The following PET100 variants were observed in gnomAD, a reference collection of about 807,000 sequenced individuals.
PET100 encodes the protein protein PET100 homolog, mitochondrial.
PET100 carries 13 observed loss-of-function variants against 13.6 expected under a neutral mutation model. The ratio of observed to expected loss-of-function variants is 0.96; its 90% CI spans 0.62 to 1.52. The LOEUF (loss-of-function observed/expected upper bound fraction) is 1.52. Among genes scored for constraint, PET100 ranks in the 40% most tolerant of loss-of-function variants. The pLI is 0.00. For synonymous variants in PET100, 28 were observed against 30.8 expected (o/e 0.91, Z 0.30); for missense variants, 94 against 95.3 (o/e 0.99, Z 0.06).
rs955657747 is a variant in PET100 at position 7,631,569 on chromosome 19, G to C, written c.*13G>C. 1.0e-5 allele frequency: 16 copies of C among 1,533,574 alleles called. No individual in the cohort carries two copies. The highest frequency in any genetic ancestry group is 1.4e-5 in the Non-Finnish European group (16 of 1,145,192). 95.0% of individuals were successfully genotyped at this position (1,533,574 alleles called of 1,614,324 possible). A position where few individuals can be genotyped will look rare whatever the true frequency, so the allele number is the denominator to read the frequency against. ...GCAGAACTCCTGAGGCCTCCAAGTGGGAGTCCTAGCCCCTCCCCTGATGAA... is the reference window on the plus strand; with the variant it reads ...GCAGAACTCCTGAGGCCTCCAAGTGCGAGTCCTAGCCCCTCCCCTGATGAA... On this transcript the variant is annotated 3_prime_UTR_variant, in exon 4 of 4. Transcript: ENST00000594797.
At position 7,630,030 on chromosome 19, in the gene PET100, T is replaced by A; in HGVS notation, c.27+170T>A. On this transcript the variant is annotated intron_variant, in intron 1 of 3. Coordinates refer to ENST00000594797, the MANE Select transcript of PET100 (RefSeq NM_001171155.2). ...AAATCCAGGAGAGGGGACGCTGGGC[T>A]GGGGGGGTTCTCGGATTTGGGCTTC... is the stretch of plus-strand genomic sequence containing the variant. 3 of 573,784 alleles carry A rather than the reference T, an allele frequency of 5.2e-6. No homozygotes were observed. In the Admixed American group the frequency reaches 1.6e-4, roughly 31 times the overall value. The allele number at this position is 573,784 out of a possible 1,614,324, so 35.5% of individuals were successfully genotyped here. A position where few individuals can be genotyped will look rare whatever the true frequency, so the allele number is the denominator to read the frequency against.
At chr19:7,630,747 C>G in intron 2 of PET100, 76 bp from the exon 3 acceptor site, 1 of 1,534,968 alleles carries the variant, frequency 6.5e-7, no homozygotes, top group South Asian at 1.2e-5. Flanking sequence ...TGTCTGCCTC[C>G]CATAAGCCGA....
intron 1 of PET100, 69 bp from the exon 2 acceptor site, chr19:7,630,504 C>T: frequency 7.7e-7 from 1 of 1,304,102 alleles, no homozygotes; most frequent in Non-Finnish European, 1.1e-6. Context: ...GGATGGGTCC[C>T]CCAGGCTCTG....
At chr19:7,631,279 C>A in intron 3 of PET100, 194 bp from the exon 4 acceptor site, 1 of 1,412,146 alleles carries the variant, frequency 7.1e-7, no homozygotes, top group Non-Finnish European at 9.2e-7. Flanking sequence ...TTCCTTATTG[C>A]CTTCTCCTGG....
intron 3 of PET100, chr19:7,631,089 T>A: frequency 1.3e-6 from 1 of 741,536 alleles, no homozygotes; most frequent in Non-Finnish European, 2.1e-6. Context: ...GCGCCTATAA[T>A]TCCAGCTGCT....
chr19:7,631,029 C>G lies in PET100; in HGVS notation c.138+183C>G. The stretch of plus-strand genomic sequence containing the variant: ...TTCAAAACCAGCCTGGCCAACATGG[C>G]GAAACCCCATGTCTACAGAAATACA... On this transcript the variant is annotated intron_variant, in intron 3 of 3. Transcript: ENST00000594797. The G allele has an allele frequency of 9.8e-6, 8 of 814,832 alleles. No individual in the cohort carries two copies. In the South Asian group the frequency reaches 1.2e-4, roughly 12 times the overall value. 50.5% of individuals were successfully genotyped at this position (814,832 alleles called of 1,614,324 possible). A position where few individuals can be genotyped will look rare whatever the true frequency, so the allele number is the denominator to read the frequency against.
At chr19:7,630,051 G>A in intron 1 of PET100, 191 bp downstream of exon 1, 1 of 684,228 alleles carries the variant, frequency 1.5e-6, no homozygotes. Context: ...TCGGATTTGG[G>A]CTTCTGGGTT....
intron 3 of PET100, 91 bp from the exon 4 acceptor site, chr19:7,631,382 G>T (rs1470571571): frequency 1.4e-6 from 2 of 1,393,826 alleles, no homozygotes; most frequent in South Asian, 1.4e-5. Context: ...CTGGGGCAGG[G>T]TGGTGGGAGA....
In PET100 at chr19:7,630,814, T is replaced by C. The variant is rs1051588624; in HGVS notation, c.115-9T>C. The C allele has an allele frequency of 2.0e-5, 30 of 1,537,170 alleles. No homozygotes were observed. The Middle Eastern group carries it at 1.3e-3, about 68-fold the overall frequency. On this transcript the variant is annotated splice_polypyrimidine_tract_variant and intron_variant, in intron 2 of 3. Transcript: ENST00000594797. ...TGGCTCGTGTCCCATTTGTGACTTTTCCTTACAGAGGGAGCTGTGGCCACC... is the reference window on the plus strand; with the variant it reads ...TGGCTCGTGTCCCATTTGTGACTTTCCCTTACAGAGGGAGCTGTGGCCACC...
Position 7,630,808 on chromosome 19 carries a change from G to T in PET100, c.115-15G>T, listed in dbSNP as rs937177398. 2.0e-6 allele frequency: 3 copies of T among 1,537,120 alleles called. No homozygotes were observed. The highest frequency in any genetic ancestry group is 2.6e-6 in the Non-Finnish European group (3 of 1,146,916). Reference sequence around the variant, plus strand: ...GGCCTTTGGCTCGTGTCCCATTTGTGACTTTTCCTTACAGAGGGAGCTGTG... The same window carrying T: ...GGCCTTTGGCTCGTGTCCCATTTGTTACTTTTCCTTACAGAGGGAGCTGTG... On this transcript the variant is annotated splice_polypyrimidine_tract_variant and intron_variant, in intron 2 of 3. Coordinates refer to ENST00000594797, the MANE Select transcript of PET100 (RefSeq NM_001171155.2).
At chr19:7,630,352 C>CTCCA (rs2031249753) in intron 1 of PET100, 1 of 582,320 alleles carries the variant, frequency 1.7e-6, no homozygotes, top group Non-Finnish European at 3.1e-6. Context: ...GAGAGGAAGA[C>CTCCA]TCCAGCTCAG....
rs963397184 is a variant in PET100, at chr19:7,630,663, G to A, written c.114+4G>A. On this transcript the variant is annotated splice_donor_region_variant and intron_variant, in intron 2 of 3. Coordinates refer to ENST00000594797, the MANE Select transcript of PET100 (RefSeq NM_001171155.2). Reference sequence around the variant, plus strand: ...GGACGATGTCATACAGCGCAAGGTGGGCATAAGAGGAGTGTTTGAGGGTTC... The same window carrying A: ...GGACGATGTCATACAGCGCAAGGTGAGCATAAGAGGAGTGTTTGAGGGTTC... 11 of 1,536,678 alleles carry A rather than the reference G, an allele frequency of 7.2e-6. No homozygotes were observed. Among genetic ancestry groups the A allele is most frequent in the Middle Eastern group, 1.7e-4 (1 of 6,012 alleles).
chr19:7,630,794 C>T (rs764958050), intron 2 of PET100, 29 bp from the exon 3 acceptor site: 12 of 1,537,208 alleles, frequency 7.8e-6, no homozygotes, highest in East Asian at 4.9e-5. Context: ...GCCTTTGGCT[C>T]GTGTCCCATT....
Position 7,630,565 on chromosome 19 carries a change from C to A in PET100, c.28-8C>A, listed in dbSNP as rs2031257424. The A allele has an allele frequency of 6.5e-7, 1 of 1,535,208 alleles. No homozygotes were observed. Among genetic ancestry groups the A allele is most frequent in the Non-Finnish European group, 8.7e-7 (1 of 1,145,180 alleles). ...GGAGCTCACCTCACCCACCCTCTGCCATTCCAGATGATAATCTACCTCACT... is the reference window on the plus strand; with the variant it reads ...GGAGCTCACCTCACCCACCCTCTGCAATTCCAGATGATAATCTACCTCACT... On this transcript the variant is annotated splice_region_variant and splice_polypyrimidine_tract_variant and intron_variant, in intron 1 of 3. Transcript: ENST00000594797.
rs916558322 is a variant in PET100 at position 7,631,901 on chromosome 19, G to A, written c.*345G>A. 20 of 1,214,094 alleles carry A rather than the reference G, an allele frequency of 1.6e-5. No homozygotes were observed. Among genetic ancestry groups the A allele is most frequent in the South Asian group, 2.6e-5 (1 of 38,126 alleles). The allele number at this position is 1,214,094 out of a possible 1,614,324, so 75.2% of individuals were successfully genotyped here. A position where few individuals can be genotyped will look rare whatever the true frequency, so the allele number is the denominator to read the frequency against. ...TGGAGAGAGGGTGCAGGTAGCCACC[G>A]TGTCCCACCTCATTGTGAGCACTGG... On this transcript the variant is annotated 3_prime_UTR_variant, in exon 4 of 4. Coordinates refer to ENST00000594797, the MANE Select transcript of PET100 (RefSeq NM_001171155.2).
chr19:7,631,440 C>G (rs930557119), intron 3 of PET100, 33 bp from the exon 4 acceptor site: 5 of 1,521,592 alleles, frequency 3.3e-6, no homozygotes, highest in Non-Finnish European at 4.4e-6. Flanking sequence ...TGCCCCTCCC[C>G]CCTTCCTGTC....
At chr19:7,630,077 G>C (rs1046667572) in intron 1 of PET100, 4 of 561,814 alleles carry the variant, frequency 7.1e-6, no homozygotes, top group Non-Finnish European at 1.2e-5. Context: ...GCTGTGAGAG[G>C]GCTGGTCCGA....
chr19:7,629,823 G>C lies in PET100; in HGVS notation c.-11G>C, dbSNP rs2031232129. 4 of 1,536,690 alleles carry C rather than the reference G, an allele frequency of 2.6e-6. No homozygotes were observed. Among genetic ancestry groups the C allele is most frequent in the Non-Finnish European group, 3.5e-6 (4 of 1,146,768 alleles). On this transcript the variant is annotated 5_prime_UTR_variant, in exon 1 of 4. Transcript: ENST00000594797. ...TGGGCGGAACTGGCTTTGTTGACCG[G>C]GAGAAACGAGATGGGGGTGAAGCTG...
Position 7,631,465 on chromosome 19 carries a change from A to G in PET100, c.139-8A>G. 2.0e-6 allele frequency: 3 copies of G among 1,522,708 alleles called. No homozygotes were observed. The highest frequency in any genetic ancestry group is 2.6e-6 in the Non-Finnish European group (3 of 1,141,756). The allele number at this position is 1,522,708 out of a possible 1,614,324, so 94.3% of individuals were successfully genotyped here. ...CCCTTCCTGTCCCACCCGCTTCTCC[A>G]CCCCTAGCTTCAAGAGATAGAGGAA... On this transcript the variant is annotated splice_polypyrimidine_tract_variant and splice_region_variant and intron_variant, in intron 3 of 3. Coordinates refer to ENST00000594797, the MANE Select transcript of PET100 (RefSeq NM_001171155.2).
Sources: allele counts gnomAD v4.1 joint callset, GRCh38; gene constraint gnomAD v4.1.1; transcripts MANE v1.5; gene names NCBI Gene and HGNC (gene_info 2026-07-23, HGNC 2026-07-21).